TMBIM4: variants seen among roughly 807,000 people sequenced by gnomAD.
The protein encoded by TMBIM4 is protein lifeguard 4.
A neutral mutation model predicts 27.7 loss-of-function variants in TMBIM4; 28 were observed. The ratio of observed to expected loss-of-function variants is 1.01; its 90% CI spans 0.75 to 1.38. TMBIM4 has a LOEUF of 1.38. Ranked by LOEUF, TMBIM4 falls within the 40% of genes most tolerant of loss-of-function variation. The pLI is 0.00. For missense variants in TMBIM4, 265 were observed against 277.5 expected, an observed-to-expected ratio of 0.95 and a Z score of 0.32; for synonymous variants, 115 against 113.1, an observed-to-expected ratio of 1.02 and a Z score of -0.11.
intron 5 of TMBIM4, among the ~76,000 whole-genome samples, chr12:66,143,494 G>A (rs1274105719): frequency 3.3e-5 from 5 of 152,156 alleles, no homozygotes; most frequent in African/African-American, 9.7e-5. Flanking sequence ...ACTTCCAGCA[G>A]TTTAACAACT....
At chr12:66,158,298 T>C (rs1028346601) in intron 1 of TMBIM4, among the ~76,000 whole-genome samples, 5 of 150,604 alleles carry the variant, frequency 3.3e-5, no homozygotes, top group African/African-American at 1.2e-4. Context: ...AAGAGTATAA[T>C]TGTAAAATCC....
intron 1 of TMBIM4, among the ~76,000 whole-genome samples, chr12:66,162,322 T>C (rs1263298755): frequency 6.6e-6 from 1 of 152,246 alleles, no homozygotes; most frequent in Admixed American, 6.5e-5. Flanking sequence ...ACTTTTATTA[T>C]AGTATATTGT....
chr12:66,145,436 T>TA (rs1464710896), intron 5 of TMBIM4: 1 of 155,212 alleles, frequency 6.4e-6, no homozygotes, highest in Non-Finnish European at 1.4e-5. Context: ...CAAAAGGTCT[T>TA]AAAGTTCATG....
intron 1 of TMBIM4, among the ~76,000 whole-genome samples, chr12:66,165,081 G>A (rs1198462068): frequency 6.6e-6 from 1 of 151,922 alleles, no homozygotes; most frequent in African/African-American, 2.4e-5. Context: ...AAAAATAAAT[G>A]GAAACACATC....
At chr12:66,167,657 T>G (rs1310180349) in intron 1 of TMBIM4, among the ~76,000 whole-genome samples, 2 of 152,216 alleles carry the variant, frequency 1.3e-5, no homozygotes, top group African/African-American at 2.4e-5. Flanking sequence ...GCACTGTTGC[T>G]GAGAATGTAA....
Position 66,138,116 on chromosome 12 carries a change from G to C in TMBIM4, c.561C>G (p.Ala187=), listed in dbSNP as rs764900949. ...IMELVLAAAG[A]LLFCGFIIYD... is the part of the protein sequence containing the mutation. The stretch of plus-strand genomic sequence containing the variant: ...AGATGATGAATCCACAGAAAAGAAG[G>C]GCTCCTGCAGCGGCTAAGACCAACT... Residue 187 remains alanine, a synonymous_variant, in exon 7 of 7, where the codon GCC becomes GCG. Coordinates refer to ENST00000358230, the MANE Select transcript of TMBIM4 (RefSeq NM_016056.4). 6.2e-7 allele frequency: 1 copy of C among 1,613,778 alleles called. No individual in the cohort carries two copies. Among genetic ancestry groups the C allele is most frequent in the Non-Finnish European group, 8.5e-7 (1 of 1,180,002 alleles).
Position 66,136,066 on chromosome 12 carries a change from TAAA to T in TMBIM4, c.*1891_*1893del, listed in dbSNP as rs2136837726. The stretch of plus-strand genomic sequence containing the variant: ...CAACCAAGAATTATCAATAAAAAAA[TAAA>T]TTAAAAAAAAAAAAAAAAAAAAAAA... On this transcript the variant is annotated 3_prime_UTR_variant, in exon 7 of 7. Transcript: ENST00000358230. The T allele has an allele frequency of 8.4e-4, 3 of 3,592 alleles. 1 individual carries two copies. In the South Asian group the frequency reaches 0.023, roughly 27 times the overall value. 0.2% of individuals were successfully genotyped at this position (3,592 alleles called of 1,614,324 possible).
intron 3 of TMBIM4, among the ~76,000 whole-genome samples, chr12:66,148,680 TG>T (rs759467150): frequency 3.3e-5 from 5 of 152,202 alleles, no homozygotes; most frequent in African/African-American, 4.8e-5. Flanking sequence ...AGCAGAAGCG[TG>T]GGCCCTTGTC....
intron 5 of TMBIM4, among the ~76,000 whole-genome samples, chr12:66,143,019 A>G (rs1450145821): frequency 6.6e-6 from 1 of 152,212 alleles, no homozygotes; most frequent in Admixed American, 6.5e-5. Flanking sequence ...CAGCAACCTA[A>G]GTGTACACAC....
intron 3 of TMBIM4, among the ~76,000 whole-genome samples, chr12:66,149,585 G>A (rs1003996279): frequency 6.6e-6 from 1 of 151,888 alleles, no homozygotes; most frequent in African/African-American, 2.4e-5. Flanking sequence ...GAAACAGGAT[G>A]GTATAAATAA....
In TMBIM4 at chr12:66,137,817, T is replaced by C. The variant is rs2051600801; in HGVS notation, c.*143A>G. The C allele has an allele frequency of 1.6e-6, 1 of 636,992 alleles. No individual in the cohort carries two copies. Among genetic ancestry groups the C allele is most frequent in the Non-Finnish European group, 2.7e-6 (1 of 376,944 alleles). The allele number at this position is 636,992 out of a possible 1,614,324, so 39.5% of individuals were successfully genotyped here. ...CTCTCAAAATTACATATGATACAAATAAAGATTGTAACAGTATTTAATCAT... is the reference window on the plus strand; with the variant it reads ...CTCTCAAAATTACATATGATACAAACAAAGATTGTAACAGTATTTAATCAT... On this transcript the variant is annotated 3_prime_UTR_variant, in exon 7 of 7. Transcript: ENST00000358230.
At chr12:66,155,290 T>C (rs1265687017) in intron 1 of TMBIM4, among the ~76,000 whole-genome samples, 1 of 140,646 alleles carries the variant, frequency 7.1e-6, no homozygotes, top group African/African-American at 2.5e-5. Context: ...CCCAAGCAGC[T>C]GGGAATACAG....
Position 66,141,262 on chromosome 12 carries a change from AAAT to A in TMBIM4, c.465-2496_465-2494del, listed in dbSNP as rs373816374. 3.6e-4 allele frequency among the ~76,000 whole-genome samples: 55 copies of A among 152,272 alleles called. No homozygotes were observed. The East Asian group carries it at 0.01, about 28-fold the overall frequency. On this transcript the variant is annotated intron_variant, in intron 5 of 6. Transcript: ENST00000358230. ...AAAGATAATATAATTTTTAGTGCAA[AAAT>A]AATAATGTATTATGGAGTTTATAAC...
chr12:66,165,986 A>G (rs551922928), intron 1 of TMBIM4, among the ~76,000 whole-genome samples: 2 of 152,184 alleles, frequency 1.3e-5, no homozygotes, highest in Non-Finnish European at 1.5e-5. Flanking sequence ...CAAGAAATCC[A>G]TTGCCAAATC....
At chr12:66,143,033 A>G (rs758939496) in intron 5 of TMBIM4, among the ~76,000 whole-genome samples, 3 of 152,150 alleles carry the variant, frequency 2.0e-5, no homozygotes, top group Non-Finnish European at 2.9e-5. Flanking sequence ...TACACACACT[A>G]AAACAGTTAT....
chr12:66,167,534 T>C (rs1465875207), intron 1 of TMBIM4, among the ~76,000 whole-genome samples: 2 of 152,140 alleles, frequency 1.3e-5, no homozygotes, highest in Non-Finnish European at 2.9e-5. Flanking sequence ...GAAATGCAAA[T>C]CAAAACCAAA....
At chr12:66,169,212 T>C (rs1014342782) in intron 1 of TMBIM4, 12 of 694,688 alleles carry the variant, frequency 1.7e-5, no homozygotes, top group African/African-American at 5.3e-5. Context: ...TCCACGTAGA[T>C]GAAGCTGAGC....
chr12:66,147,623 G>T (rs2051773265), intron 4 of TMBIM4, among the ~76,000 whole-genome samples: 1 of 152,160 alleles, frequency 6.6e-6, no homozygotes, highest in African/African-American at 2.4e-5. Context: ...CTTTAAATTA[G>T]GGAAAAGATT....
chr12:66,160,881 G>A (rs1252663134), intron 1 of TMBIM4, among the ~76,000 whole-genome samples: 1 of 151,120 alleles, frequency 6.6e-6, no homozygotes, highest in African/African-American at 2.4e-5. Context: ...TGGGGCGGCG[G>A]GCGGGCAGAG....
Sources: gnomAD v4.1 joint callset for allele counts (sites outside exome capture counted in the v4.1 genomes callset) on GRCh38, gnomAD v4.1.1 for gene constraint, MANE v1.5 for transcripts, NCBI Gene and HGNC (gene_info 2026-07-23, HGNC 2026-07-21) for gene names.